Variants in CSMD1 observed in about 807,000 individuals in gnomAD.
CSMD1 encodes the protein CUB and Sushi multiple domains 1, also known as CUB and sushi domain-containing protein 1.
A neutral mutation model predicts 417.5 loss-of-function variants in CSMD1; 213 were observed. The ratio of observed to expected loss-of-function variants is 0.51; its 90% confidence interval spans 0.46 to 0.57. The LOEUF is 0.57. Among genes scored for constraint, CSMD1 ranks in the 20% least tolerant of loss-of-function variants. CSMD1 has a pLI of 0.00. For missense variants in CSMD1, 6,923 were observed against 4,529.7 expected (o/e 1.53, Z -15.17); for synonymous variants, 2,862 against 1,736.8 (o/e 1.65, Z -16.11).
intron 3 of CSMD1, among the ~76,000 whole-genome samples, chr8:4,078,617 T>G (rs1331664064): frequency 1.3e-5 from 2 of 151,694 alleles, no homozygotes; most frequent in Non-Finnish European, 2.9e-5. Flanking sequence ...ATTTTTTTTT[T>G]TTTTAGTTTT....
chr8:3,504,087 C>T (rs1477671811), intron 10 of CSMD1, among the ~76,000 whole-genome samples: 2 of 151,972 alleles, frequency 1.3e-5, no homozygotes, highest in Non-Finnish European at 2.9e-5. Flanking sequence ...AGCAAGAAAA[C>T]AGGAATTTAA....
At chr8:4,416,703 C>T (rs569752044) in intron 3 of CSMD1, among the ~76,000 whole-genome samples, 15 of 152,104 alleles carry the variant, frequency 9.9e-5, no homozygotes, top group African/African-American at 2.9e-4. Context: ...TCACCCAGTC[C>T]GTATATTTTC....
At chr8:4,450,392 C>T (rs1799070279) in intron 2 of CSMD1, among the ~76,000 whole-genome samples, 1 of 152,090 alleles carries the variant, frequency 6.6e-6, no homozygotes, top group African/African-American at 2.4e-5. Context: ...CTTTGGAAGG[C>T]TGAGGCAGGC....
At chr8:3,669,359 G>A (rs547055144) in intron 7 of CSMD1, among the ~76,000 whole-genome samples, 15 of 152,258 alleles carry the variant, frequency 9.9e-5, no homozygotes, top group Middle Eastern at 3.4e-3. Context: ...AGCCTGCCTT[G>A]GGCGGGAGGG....
intron 5 of CSMD1, among the ~76,000 whole-genome samples, chr8:3,808,369 G>A (rs533586274): frequency 6.6e-6 from 1 of 152,148 alleles, no homozygotes; most frequent in South Asian, 2.1e-4. Flanking sequence ...ATATTCAAAG[G>A]ACTGACTGTG....
chr8:4,637,247 C>A (rs879386070), intron 2 of CSMD1, 95 bp downstream of exon 2: 1 of 1,143,172 alleles, frequency 8.7e-7, no homozygotes, highest in Non-Finnish European at 1.3e-6. Context: ...GGAACCAACT[C>A]CGGACACAAT....
intron 3 of CSMD1, among the ~76,000 whole-genome samples, chr8:4,353,378 C>T (rs571514123): frequency 1.3e-5 from 2 of 152,176 alleles, no homozygotes; most frequent in African/African-American, 4.8e-5. Flanking sequence ...TGAGGCCTCC[C>T]CAGCCGTGTG....
At chr8:3,913,112 T>C (rs901760697) in intron 5 of CSMD1, among the ~76,000 whole-genome samples, 5 of 152,062 alleles carry the variant, frequency 3.3e-5, no homozygotes, top group African/African-American at 9.7e-5. Flanking sequence ...GTTGCAGTGG[T>C]CATGTGGGGT....
chr8:3,211,655 G>C (rs1055846720), intron 30 of CSMD1, among the ~76,000 whole-genome samples: 1 of 152,220 alleles, frequency 6.6e-6, no homozygotes, highest in Non-Finnish European at 1.5e-5. Context: ...GTCTTGTCTG[G>C]AGTGACACAG....
rs373895291 is a variant in CSMD1 at position 4,477,834 on chromosome 8, GGTTT to G, written c.303-57773_303-57770del. 4.0e-4 allele frequency among the ~76,000 whole-genome samples: 61 copies of G among 152,196 alleles called. 1 individual carries two copies. The East Asian group carries it at 0.01, about 26-fold the overall frequency. On this transcript the variant is annotated intron_variant, in intron 2 of 69. Transcript: ENST00000635120. ...TTAGTATGTGCTGTATTATATTTTTGGTTTGTTTGCTTTAACTGGACATAAATTC... is the reference window on the plus strand; with the variant it reads ...TTAGTATGTGCTGTATTATATTTTTGGTTTGCTTTAACTGGACATAAATTC...
At chr8:3,261,077 T>C (rs997652528) in intron 26 of CSMD1, among the ~76,000 whole-genome samples, 7 of 152,172 alleles carry the variant, frequency 4.6e-5, no homozygotes, top group Admixed American at 3.3e-4. Flanking sequence ...AAAGATGCTC[T>C]AAATTAGTAG....
At chr8:3,732,687 G>C (rs531119348) in intron 6 of CSMD1, among the ~76,000 whole-genome samples, 3 of 151,654 alleles carry the variant, frequency 2.0e-5, no homozygotes, top group East Asian at 1.9e-4. Flanking sequence ...TTTTAAGACA[G>C]AAAAAAAGAA....
chr8:4,993,402 C>CTCTTTCTCGCCCTGTCTCTCTCCA (rs1811583764), intron 1 of CSMD1, among the ~76,000 whole-genome samples: 1 of 152,222 alleles, frequency 6.6e-6, no homozygotes, highest in Non-Finnish European at 1.5e-5. Context: ...GTCTCTCTCC[C>CTCTTTCTCGCCCTGTCTCTCTCCA]TCTTTCTCGC....
chr8:4,658,727 A>G (rs898160467), intron 1 of CSMD1, among the ~76,000 whole-genome samples: 5 of 152,180 alleles, frequency 3.3e-5, no homozygotes, highest in African/African-American at 1.2e-4. Flanking sequence ...CTATTCTTAT[A>G]CTTTCGGTTT....
chr8:4,041,017 C>CTTTT (rs36145371), intron 3 of CSMD1, among the ~76,000 whole-genome samples: 10 of 100,206 alleles, frequency 1.0e-4, no homozygotes, highest in Non-Finnish European at 1.4e-4. Flanking sequence ...TTTTTTTTTC[C>CTTTT]TTTTTTTTTT....
At chr8:3,751,146 G>C (rs62481008) in intron 6 of CSMD1, among the ~76,000 whole-genome samples, 1 of 152,070 alleles carries the variant, frequency 6.6e-6, no homozygotes, top group Admixed American at 6.6e-5. Flanking sequence ...GTACCGTGTT[G>C]TCTTGGAGCT....
intron 3 of CSMD1, among the ~76,000 whole-genome samples, chr8:4,386,476 T>G (rs1803463634): frequency 6.6e-6 from 1 of 152,224 alleles, no homozygotes; most frequent in Non-Finnish European, 1.5e-5. Flanking sequence ...CAAAACCACC[T>G]TATCTCCCAG....
intron 5 of CSMD1, among the ~76,000 whole-genome samples, chr8:3,871,922 C>T (rs1009936558): frequency 3.3e-5 from 5 of 152,130 alleles, no homozygotes; most frequent in Non-Finnish European, 7.3e-5. Flanking sequence ...TAACGTAGCC[C>T]TAATCTTCTG....
At chr8:4,153,966 G>A (rs1040520462) in intron 3 of CSMD1, among the ~76,000 whole-genome samples, 1 of 152,154 alleles carries the variant, frequency 6.6e-6, no homozygotes, top group Non-Finnish European at 1.5e-5. Flanking sequence ...ATTACTGACA[G>A]CAAATTACTG....
Sources: allele counts gnomAD v4.1 joint callset (sites outside exome capture counted in the v4.1 genomes callset), GRCh38; gene constraint gnomAD v4.1.1; transcripts MANE v1.5; gene names NCBI Gene and HGNC (gene_info 2026-07-23, HGNC 2026-07-21).